Variants in C14orf132 observed in about 807,000 individuals in gnomAD.
C14orf132 encodes the protein uncharacterized protein C14orf132.
A neutral mutation model predicts 5.8 loss-of-function variants in C14orf132; 6 were observed. The ratio of observed to expected loss-of-function variants is 1.03; its 90% CI spans 0.57 to 2.04. The LOEUF is 2.04. Ranked by LOEUF, C14orf132 falls within the 30% of genes most tolerant of loss-of-function variation. The pLI is 0.00. For synonymous variants in C14orf132, 51 were observed against 49.8 expected (o/e 1.02, Z -0.10); for missense variants, 125 against 115.8 (o/e 1.08, Z -0.37).
intron 1 of C14orf132, among the ~76,000 whole-genome samples, chr14:96,044,875 C>T (rs1886792181): frequency 1.3e-5 from 2 of 152,212 alleles, no homozygotes; most frequent in African/African-American, 2.4e-5. Context: ...AACTTGATTA[C>T]ATCTGCAGAG....
intron 1 of C14orf132, among the ~76,000 whole-genome samples, chr14:96,043,303 T>C (rs1298525267): frequency 6.6e-6 from 1 of 152,134 alleles, no homozygotes. Flanking sequence ...CAGAGGCACA[T>C]GCTGGGGGAA....
chr14:96,091,394 C>T lies in C14orf132; in HGVS notation c.*4659C>T, dbSNP rs899248424. ...CATCTAATCGAGACCTTTAATTTTT[C>T]GGGGAGAGCAGCTGAGGCCGTGTGG... On this transcript the variant is annotated 3_prime_UTR_variant, in exon 2 of 2. Transcript: ENST00000555004. 9 of 206,714 alleles carry T rather than the reference C, an allele frequency of 4.4e-5. No homozygotes were observed. The highest frequency in any genetic ancestry group is 9.3e-5 in the African/African-American group (4 of 42,936). The allele number at this position is 206,714 out of a possible 1,614,324, so 12.8% of individuals were successfully genotyped here.
chr14:96,072,550 G>A (rs1276824957), intron 1 of C14orf132, among the ~76,000 whole-genome samples: 2 of 152,310 alleles, frequency 1.3e-5, no homozygotes, highest in East Asian at 3.9e-4. Flanking sequence ...GGATGATACG[G>A]TTCTCTAACT....
intron 1 of C14orf132, among the ~76,000 whole-genome samples, chr14:96,081,701 C>T (rs979868596): frequency 2.0e-5 from 3 of 152,116 alleles, no homozygotes; most frequent in African/African-American, 4.8e-5. Context: ...TGGGCTCAGG[C>T]GATCCTCCCA....
intron 1 of C14orf132, among the ~76,000 whole-genome samples, chr14:96,044,424 C>T (rs191556999): frequency 6.6e-6 from 1 of 152,360 alleles, no homozygotes; most frequent in East Asian, 1.9e-4. Context: ...AAGCGATCCT[C>T]CTGCCTTGGC....
intron 1 of C14orf132, among the ~76,000 whole-genome samples, chr14:96,077,285 G>C (rs1217686853): frequency 6.6e-6 from 1 of 152,140 alleles, no homozygotes; most frequent in Non-Finnish European, 1.5e-5. Context: ...ATATTATGTT[G>C]TGAGATGCTG....
intron 1 of C14orf132, among the ~76,000 whole-genome samples, chr14:96,070,211 T>A (rs1887663663): frequency 6.6e-6 from 1 of 152,198 alleles, no homozygotes; most frequent in Non-Finnish European, 1.5e-5. Context: ...CTTGGAATTG[T>A]CCCTTTTTCT....
At chr14:96,045,880 G>C (rs552451452) in intron 1 of C14orf132, among the ~76,000 whole-genome samples, 2 of 152,178 alleles carry the variant, frequency 1.3e-5, no homozygotes, top group African/African-American at 4.8e-5. Flanking sequence ...GTTTTTGCCC[G>C]AGTGGCATCA....
intron 1 of C14orf132, among the ~76,000 whole-genome samples, chr14:96,054,257 AG>A (rs1269006321): frequency 6.6e-6 from 1 of 152,176 alleles, no homozygotes; most frequent in Non-Finnish European, 1.5e-5. Context: ...CATGGGAGTC[AG>A]GTCTCCCTGG....
In C14orf132 at chr14:96,086,680, T is replaced by C. The variant is rs773245633; in HGVS notation, c.197T>C (p.Ile66Thr). ...NDAVLLWIAI[I>T]ATLGNIVVVG... Reference sequence around the variant, plus strand: ...GCCGTCTTGCTATGGATTGCCATCATAGCTACGCTGGGGAACATCGTGGTG... The same window carrying C: ...GCCGTCTTGCTATGGATTGCCATCACAGCTACGCTGGGGAACATCGTGGTG... Residue 66 changes from isoleucine to threonine, a missense_variant, in exon 2 of 2, where the codon ATA becomes ACA. Coordinates refer to ENST00000555004, the MANE Select transcript of C14orf132 (RefSeq NM_001252507.3). 12 of 1,536,196 alleles carry C rather than the reference T, an allele frequency of 7.8e-6. No homozygotes were observed. The South Asian group carries it at 1.2e-4, about 15-fold the overall frequency.
At chr14:96,073,541 CTGGAAAGTT>C (rs1200383444) in intron 1 of C14orf132, among the ~76,000 whole-genome samples, 1 of 152,152 alleles carries the variant, frequency 6.6e-6, no homozygotes, top group African/African-American at 2.4e-5. Context: ...ACAACAGATG[CTGGAAAGTT>C]TGTAAAGAAA....
At chr14:96,055,599 G>A (rs78013023) in intron 1 of C14orf132, among the ~76,000 whole-genome samples, 1,867 of 152,188 alleles carry the variant, frequency 0.012, 26 homozygotes, top group Admixed American at 0.036. Context: ...GTATCACCTT[G>A]GGCAAACTCC....
intron 1 of C14orf132, among the ~76,000 whole-genome samples, chr14:96,046,512 C>T (rs1886834941): frequency 6.6e-6 from 1 of 152,194 alleles, no homozygotes. Context: ...CATTTTTGAC[C>T]TATCAAATGA....
chr14:96,069,672 C>T (rs1171785494), intron 1 of C14orf132, among the ~76,000 whole-genome samples: 1 of 152,204 alleles, frequency 6.6e-6, no homozygotes, highest in Non-Finnish European at 1.5e-5. Context: ...CAGAGGCTGA[C>T]ATCTGACCAG....
chr14:96,087,937 C>T lies in C14orf132; in HGVS notation c.*1202C>T, dbSNP rs1340405609. ...TTCTTCATTAGGAAATCTTATTGCA[C>T]AGGAACCACCCCCACCCCCACCCCC... On this transcript the variant is annotated 3_prime_UTR_variant, in exon 2 of 2. Coordinates refer to ENST00000555004, the MANE Select transcript of C14orf132 (RefSeq NM_001252507.3). 1 of 152,066 alleles carries T rather than the reference C, an allele frequency of 6.6e-6. No homozygotes were observed. Among genetic ancestry groups the T allele is most frequent in the Admixed American group, 6.6e-5 (1 of 15,256 alleles). The allele number at this position is 152,066 out of a possible 1,614,324, so 9.4% of individuals were successfully genotyped here.
intron 1 of C14orf132, among the ~76,000 whole-genome samples, chr14:96,076,920 T>C (rs1220126829): frequency 6.6e-6 from 1 of 152,182 alleles, no homozygotes; most frequent in Non-Finnish European, 1.5e-5. Context: ...TATTTAGGAG[T>C]GTGTGATTTA....
chr14:96,053,709 C>T (rs763481220), intron 1 of C14orf132, among the ~76,000 whole-genome samples: 23 of 152,268 alleles, frequency 1.5e-4, no homozygotes, highest in Middle Eastern at 6.8e-3. Context: ...CACCTGTCAC[C>T]CAGAAGCCTC....
At chr14:96,048,154 C>G (rs1398952085) in intron 1 of C14orf132, among the ~76,000 whole-genome samples, 2 of 152,200 alleles carry the variant, frequency 1.3e-5, no homozygotes, top group Non-Finnish European at 2.9e-5. Flanking sequence ...AGCCATTGCA[C>G]TCCAGCCTGG....
intron 1 of C14orf132, among the ~76,000 whole-genome samples, chr14:96,081,925 TTTC>T (rs1888042854): frequency 6.6e-6 from 1 of 152,140 alleles, no homozygotes; most frequent in Non-Finnish European, 1.5e-5. Context: ...GTTGTTGTTG[TTTC>T]TTTTTTTAAT....
Sources: allele counts gnomAD v4.1 joint callset (sites outside exome capture counted in the v4.1 genomes callset), GRCh38; gene constraint gnomAD v4.1.1; transcripts MANE v1.5; gene names NCBI Gene and HGNC (gene_info 2026-07-23, HGNC 2026-07-21).